GALNT2: variants seen among roughly 807,000 people sequenced by gnomAD.
The protein encoded by GALNT2 is polypeptide N-acetylgalactosaminyltransferase 2.
Under a neutral mutation model 81.4 loss-of-function variants are expected in GALNT2, and 31 were observed. That is an observed-to-expected ratio of 0.38 (90% confidence interval 0.29 to 0.51). The LOEUF is 0.51. Among genes scored for constraint, GALNT2 ranks in the 20% least tolerant of loss-of-function variants. GALNT2 has a pLI of 0.87. For synonymous variants in GALNT2, 303 were observed against 287.4 expected, an observed-to-expected ratio of 1.05 and a Z score of -0.55; for missense variants, 629 against 765.7, an observed-to-expected ratio of 0.82 and a Z score of 2.11.
At chr1:230,061,058 G>T (rs1187531242) in intron 1 of GALNT2, among the ~76,000 whole-genome samples, 2 of 152,160 alleles carry the variant, frequency 1.3e-5, no homozygotes, top group African/African-American at 4.8e-5. Context: ...GTGGAGAATG[G>T]TATTTAGAAA....
chr1:230,099,793 G>T (rs1660350481), intron 1 of GALNT2, among the ~76,000 whole-genome samples: 1 of 152,212 alleles, frequency 6.6e-6, no homozygotes, highest in Non-Finnish European at 1.5e-5. Flanking sequence ...AAAGGGCTCA[G>T]TCCTTCCTGT....
At chr1:230,204,848 A>G (rs1249270450) in intron 3 of GALNT2, among the ~76,000 whole-genome samples, 4 of 152,192 alleles carry the variant, frequency 2.6e-5, no homozygotes, top group African/African-American at 7.2e-5. Context: ...CTAGCATTTC[A>G]CCCAGAAAAA....
chr1:230,091,132 G>C (rs566751757), intron 1 of GALNT2, among the ~76,000 whole-genome samples: 1 of 151,704 alleles, frequency 6.6e-6, no homozygotes, highest in African/African-American at 2.4e-5. Context: ...ACAGTGGCAC[G>C]ATCTCAGCTC....
intron 1 of GALNT2, among the ~76,000 whole-genome samples, chr1:230,115,543 G>T (rs1415996423): frequency 6.6e-6 from 1 of 152,168 alleles, no homozygotes; most frequent in African/African-American, 2.4e-5. Context: ...AAATGCTAAG[G>T]ATCATCTGAG....
At chr1:230,170,554 A>T (rs1662759158) in intron 1 of GALNT2, among the ~76,000 whole-genome samples, 1 of 152,216 alleles carries the variant, frequency 6.6e-6, no homozygotes, top group Non-Finnish European at 1.5e-5. Context: ...TGATCTTACT[A>T]GCCTAGTATA....
intron 13 of GALNT2, chr1:230,264,283 A>G (rs904132494): frequency 6.6e-6 from 1 of 152,250 alleles, no homozygotes; most frequent in Non-Finnish European, 1.5e-5. Context: ...CCTATACAAC[A>G]GATTCTTGAC....
chr1:230,200,054 T>C (rs1572078866), intron 2 of GALNT2, among the ~76,000 whole-genome samples: 1 of 124,724 alleles, frequency 8.0e-6, no homozygotes, highest in South Asian at 3.0e-4. Context: ...CATTTAATTC[T>C]TTTTTTTCTT....
chr1:230,128,840 GCCCCATCCA>G (rs1448430084), intron 1 of GALNT2, among the ~76,000 whole-genome samples: 2 of 152,196 alleles, frequency 1.3e-5, no homozygotes, highest in Non-Finnish European at 2.9e-5. Context: ...GGTGCCCCGA[GCCCCATCCA>G]GGGCACCTGC....
intron 1 of GALNT2, among the ~76,000 whole-genome samples, chr1:230,132,833 G>T (rs949128081): frequency 3.3e-5 from 5 of 152,168 alleles, no homozygotes; most frequent in African/African-American, 1.2e-4. Flanking sequence ...TTTTGCCCTG[G>T]AATTGTGTTT....
chr1:230,230,830 A>G (rs925852449), intron 3 of GALNT2, among the ~76,000 whole-genome samples: 18 of 152,158 alleles, frequency 1.2e-4, no homozygotes, highest in African/African-American at 4.3e-4. Context: ...GAGATGGTGC[A>G]TATTCATCTA....
intron 1 of GALNT2, among the ~76,000 whole-genome samples, chr1:230,082,770 C>A (rs1659775428): frequency 6.6e-6 from 1 of 151,998 alleles, no homozygotes; most frequent in Admixed American, 6.5e-5. Context: ...GGGATCCAGG[C>A]TGATACATCA....
chr1:230,209,104 C>G (rs949108538), intron 3 of GALNT2, among the ~76,000 whole-genome samples: 1 of 151,856 alleles, frequency 6.6e-6, no homozygotes, highest in African/African-American at 2.4e-5. Flanking sequence ...TGAGTCATAC[C>G]TGCCTTCTCC....
chr1:230,103,074 C>T (rs12035297), intron 1 of GALNT2, among the ~76,000 whole-genome samples: 42,744 of 152,128 alleles, frequency 0.28, 6,035 homozygotes, highest in African/African-American at 0.33. Flanking sequence ...ACTCCTATAA[C>T]TCTATCAAAT....
At chr1:230,185,694 A>C (rs527274577) in intron 2 of GALNT2, among the ~76,000 whole-genome samples, 1 of 152,156 alleles carries the variant, frequency 6.6e-6, no homozygotes, top group East Asian at 1.9e-4. Flanking sequence ...GCTTCTTTCA[A>C]AATGGTTATT....
At chr1:230,188,974 C>CGGG (rs71723195) in intron 2 of GALNT2, among the ~76,000 whole-genome samples, 12,615 of 151,890 alleles carry the variant, frequency 0.083, 790 homozygotes, top group East Asian at 0.27. Context: ...GGCAAAGGAG[C>CGGG]GGGGGCCGGA....
chr1:230,279,708 C>G lies in GALNT2; in HGVS notation c.*250C>G, dbSNP rs1666384996. ...CCCCCTTCCCCAGGCCGGAGCGCCC[C>G]TCTTCCTTCCAGCTTTCACTTCTGC... On this transcript the variant is annotated 3_prime_UTR_variant, in exon 16 of 16. Transcript: ENST00000366672. This position sits in a 1 kb window ranked among gnomAD's most constrained non-coding sequence, Gnocchi z 4.6. 1.8e-6 allele frequency: 1 copy of G among 559,552 alleles called. No homozygotes were observed. Among genetic ancestry groups the G allele is most frequent in the Non-Finnish European group, 3.3e-6 (1 of 303,708 alleles). 34.7% of individuals were successfully genotyped at this position (559,552 alleles called of 1,614,324 possible). A position where few individuals can be genotyped will look rare whatever the true frequency, so the allele number is the denominator to read the frequency against.
chr1:230,189,222 C>T (rs920997074), intron 2 of GALNT2, among the ~76,000 whole-genome samples: 1 of 152,082 alleles, frequency 6.6e-6, no homozygotes, highest in Admixed American at 6.5e-5. Context: ...TTAGGAGAGA[C>T]GAGGGTAGGG....
chr1:230,163,915 C>A (rs1325553085), intron 1 of GALNT2, among the ~76,000 whole-genome samples: 1 of 152,140 alleles, frequency 6.6e-6, no homozygotes, highest in South Asian at 2.1e-4. Flanking sequence ...TCTGTCTGTC[C>A]CAGAACTGGC....
At chr1:230,185,925 G>A (rs1239216546) in intron 2 of GALNT2, among the ~76,000 whole-genome samples, 1 of 152,168 alleles carries the variant, frequency 6.6e-6, no homozygotes, top group Non-Finnish European at 1.5e-5. Context: ...ATCTTCAGGG[G>A]TTTCTACTTA....
Sources: gnomAD v4.1 joint callset for allele counts (sites outside exome capture counted in the v4.1 genomes callset) on GRCh38, gnomAD v4.1.1 for gene constraint, Gnocchi (gnomAD v3.1) non-coding constraint, MANE v1.5 for transcripts, NCBI Gene and HGNC (gene_info 2026-07-23, HGNC 2026-07-21) for gene names.